Variants in LINS1 observed in about 807,000 individuals in gnomAD.
LINS1 encodes the protein protein Lines homolog 1.
LINS1 carries 27 observed loss-of-function variants against 41.6 expected under a neutral mutation model. The ratio of observed to expected loss-of-function variants is 0.65; its 90% CI spans 0.48 to 0.89. LINS1 has a LOEUF of 0.89. Among genes scored for constraint, LINS1 ranks in the 40% least tolerant of loss-of-function variants. LINS1 has a pLI of 0.00. For synonymous variants in LINS1, 336 were observed against 312.9 expected (o/e 1.07, Z -0.78); for missense variants, 955 against 884.1 (o/e 1.08, Z -1.02).
At chr15:100,585,920 TG>T (rs1482958234) in intron 1 of LINS1, among the ~76,000 whole-genome samples, 2 of 152,246 alleles carry the variant, frequency 1.3e-5, no homozygotes, top group African/African-American at 4.8e-5. Context: ...CTAGATATTT[TG>T]GGATGTCAGT....
At chr15:100,579,872 G>A (rs2038428379) in intron 3 of LINS1, among the ~76,000 whole-genome samples, 1 of 152,154 alleles carries the variant, frequency 6.6e-6, no homozygotes, top group Non-Finnish European at 1.5e-5. Flanking sequence ...AGTCTGATGT[G>A]AAATTCACCT....
chr15:100,573,846 G>C lies in LINS1; in HGVS notation c.1027C>G (p.Gln343Glu), dbSNP rs775987021. Reference protein sequence around the residue: ...DMLALANAVLQAVNSGLLKTL... With the variant: ...DMLALANAVLEAVNSGLLKTL... ...TTCAACAACCCCGAATTCACAGCTT[G>C]CAAAACAGCATTAGCTAAAGCCAGC... Residue 343 changes from glutamine (Q) to glutamate (E), a missense_variant, in exon 5 of 7, where the codon CAA becomes GAA. Physicochemically the swap from Gln to Glu is conservative, Grantham distance 29 (BLOSUM62 2). Transcript: ENST00000314742. 3 of 1,614,220 alleles carry C rather than the reference G, an allele frequency of 1.9e-6. No homozygotes were observed. The East Asian group carries it at 6.7e-5, about 36-fold the overall frequency.
chr15:100,574,283 C>G, intron 4 of LINS1, 42 bp from the exon 5 acceptor site: 1 of 1,191,648 alleles, frequency 8.4e-7, no homozygotes, highest in Non-Finnish European at 1.2e-6. Context: ...GAAAAACAGT[C>G]TTCTTCAAAC....
chr15:100,580,542 T>C lies in LINS1; in HGVS notation c.301A>G (p.Thr101Ala), dbSNP rs763605136. The change falls in exon 2 of 7, where the codon ACC becomes GCC. Residue 101 changes from threonine (T) to alanine (A), a missense_variant. Physicochemically the swap from Thr to Ala is moderately conservative, Grantham distance 58 (BLOSUM62 0). Coordinates refer to ENST00000314742, the MANE Select transcript of LINS1 (RefSeq NM_001040616.3). ...LQLTVIKVMT[T>A]RILSVKTEFH... Reference sequence around the variant, plus strand: ...TCGGTTTTGACAGACAATATCCGGGTTGTCATCACTTTGATCACTGTTAAC... The same window carrying C: ...TCGGTTTTGACAGACAATATCCGGGCTGTCATCACTTTGATCACTGTTAAC... 3 of 1,613,994 alleles carry C rather than the reference T, an allele frequency of 1.9e-6. No individual in the cohort carries two copies. The highest frequency in any genetic ancestry group is 2.5e-6 in the Non-Finnish European group (3 of 1,179,932).
At chr15:100,598,559 AATACC>A (rs2039343429) in intron 1 of LINS1, among the ~76,000 whole-genome samples, 1 of 152,228 alleles carries the variant, frequency 6.6e-6, no homozygotes, top group Non-Finnish European at 1.5e-5. Flanking sequence ...GCTGTGGTAG[AATACC>A]ATAGAAGACC....
In LINS1 at chr15:100,575,059, C is replaced by T. The variant is rs184290504; in HGVS notation, c.559G>A (p.Ala187Thr). The T allele has an allele frequency of 1.5e-5, 24 of 1,612,478 alleles. No individual in the cohort carries two copies. In the Admixed American group the frequency reaches 3.2e-4, roughly 21 times the overall value. Residue 187 changes from alanine to threonine, a missense_variant, in exon 4 of 7, where the codon GCA becomes ACA. Ala to Thr is a moderately conservative substitution (Grantham distance 58). Transcript: ENST00000314742. ...NLSEYSESNKAIYCLWTLTAI... is the reference protein window; with the variant it reads ...NLSEYSESNKTIYCLWTLTAI... ...GTAAGAGTCCAGAGGCAGTATATTG[C>T]TTTATTACTCTCAGAGTATTCAGAA...
intron 1 of LINS1, chr15:100,596,804 T>G (rs2039266237): frequency 6.6e-6 from 1 of 152,206 alleles, no homozygotes; most frequent in South Asian, 2.1e-4. Flanking sequence ...TGCAATTGGT[T>G]AAATCCAAGA....
At chr15:100,575,741 A>T (rs1022635052) in intron 3 of LINS1, among the ~76,000 whole-genome samples, 15 of 152,294 alleles carry the variant, frequency 9.8e-5, no homozygotes, top group South Asian at 2.1e-4. Context: ...GCACCACACC[A>T]CACCTATTCC....
At chr15:100,572,908 A>AATACAAATGGGGTGGG in intron 5 of LINS1, 1 of 688,674 alleles carries the variant, frequency 1.5e-6, no homozygotes, top group Non-Finnish European at 1.8e-6. Flanking sequence ...ATGAAGGATT[A>AATACAAATGGGGTGGG]ATACAAATGG....
chr15:100,573,497 T>C, intron 5 of LINS1, 154 bp downstream of exon 5: 2 of 620,492 alleles, frequency 3.2e-6, no homozygotes, highest in Non-Finnish European at 4.9e-6. Flanking sequence ...ATCCAGTTCT[T>C]TTTTTTTTTT....
intron 3 of LINS1, among the ~76,000 whole-genome samples, chr15:100,576,141 A>G (rs938854025): frequency 1.2e-4 from 18 of 152,198 alleles, no homozygotes; most frequent in Non-Finnish European, 2.5e-4. Flanking sequence ...AAACACATTC[A>G]AAAGCTAGCA....
At chr15:100,589,613 C>T (rs1322480432) in intron 1 of LINS1, among the ~76,000 whole-genome samples, 1 of 152,252 alleles carries the variant, frequency 6.6e-6, no homozygotes, top group East Asian at 1.9e-4. Flanking sequence ...CATGACTCAT[C>T]ATAGAAAAGA....
At chr15:100,570,227 C>A in intron 6 of LINS1, 110 bp from the exon 7 acceptor site, 1 of 855,790 alleles carries the variant, frequency 1.2e-6, no homozygotes, top group South Asian at 1.9e-5. Context: ...ACTTTTAAAT[C>A]TATGCATCAC....
chr15:100,585,999 G>GT (rs2038786431), intron 1 of LINS1, among the ~76,000 whole-genome samples: 1 of 152,136 alleles, frequency 6.6e-6, no homozygotes, highest in East Asian at 1.9e-4. Flanking sequence ...TGCATGCCTT[G>GT]TTTTTTTGAC....
At position 100,574,745 on chromosome 15, in the gene LINS1, T is replaced by C. The variant is rs551913132; in HGVS notation, c.631+242A>G. The stretch of plus-strand genomic sequence containing the variant: ...AAAACAAAACAAAAAATATTCATTT[T>C]ACGAATATCAGTAACATCAAACAAT... On this transcript the variant is annotated intron_variant, in intron 4 of 6. Transcript: ENST00000314742. Among the ~76,000 whole-genome samples the C allele has an allele frequency of 2.6e-5, 4 of 152,342 alleles. No individual in the cohort carries two copies. In the East Asian group the frequency reaches 7.7e-4, roughly 29 times the overall value.
intron 5 of LINS1, chr15:100,573,377 C>T (rs1020143857): frequency 1.6e-6 from 2 of 1,235,606 alleles, no homozygotes; most frequent in African/African-American, 1.6e-5. Context: ...AATTGATTTC[C>T]ATCACTTACT....
Position 100,573,861 on chromosome 15 carries a change from C to A in LINS1, c.1012G>T (p.Ala338Ser), listed in dbSNP as rs1296877254. The A allele has an allele frequency of 5.0e-6, 8 of 1,614,088 alleles. No homozygotes were observed. In the African/African-American group the frequency reaches 1.1e-4, roughly 22 times the overall value. ...TTCACAGCTTGCAAAACAGCATTAG[C>A]TAAAGCCAGCATGTCCACCGCTACA... ...HHVAVDMLAL[A>S]NAVLQAVNSG... Residue 338 changes from alanine to serine, a missense_variant, in exon 5 of 7, where the codon GCT becomes TCT. Transcript: ENST00000314742.
chr15:100,569,625 G>A lies in LINS1; in HGVS notation c.1887C>T (p.Tyr629=), dbSNP rs61999313. Residue 629 remains tyrosine, a synonymous_variant, in exon 7 of 7, where the codon TAC becomes TAT. Coordinates refer to ENST00000314742, the MANE Select transcript of LINS1 (RefSeq NM_001040616.3). Reference sequence around the variant, plus strand: ...CCACGTCAGAATCGTCAGAGCTGTCGTAATCTACCAGACTTTGAGAGGCCC... The same window carrying A: ...CCACGTCAGAATCGTCAGAGCTGTCATAATCTACCAGACTTTGAGAGGCCC... The part of the protein sequence containing the change: ...SPRASQSLVD[Y]DSSDDSDVES... The A allele has an allele frequency of 5.3e-4, 859 of 1,613,218 alleles. 4 individuals carry two copies. The African/African-American group carries it at 9.3e-3, about 17-fold the overall frequency.
In LINS1 at chr15:100,575,094, T is replaced by C; in HGVS notation, c.524A>G (p.Gln175Arg). 1 of 1,612,782 alleles carries C rather than the reference T, an allele frequency of 6.2e-7. No individual in the cohort carries two copies. Among genetic ancestry groups the C allele is most frequent in the Non-Finnish European group, 8.5e-7 (1 of 1,179,614 alleles). The change falls in exon 4 of 7, where the codon CAG (glutamine) becomes CGG (arginine). Residue 175 changes from glutamine (Q) to arginine (R), a missense_variant. Gln to Arg is a conservative substitution (Grantham distance 43). Coordinates refer to ENST00000314742, the MANE Select transcript of LINS1 (RefSeq NM_001040616.3). ...CTCAGAGTATTCAGAAAGATTTTTC[T>C]GGCAAAAAGCAATCCAGGAATTACT... Reference protein sequence around the residue: ...TLSNSWIAFCQKNLSEYSESN... With the variant: ...TLSNSWIAFCRKNLSEYSESN...
Sources: gnomAD v4.1 joint callset for allele counts (sites outside exome capture counted in the v4.1 genomes callset) on GRCh38, gnomAD v4.1.1 for gene constraint, MANE v1.5 for transcripts, NCBI Gene and HGNC (gene_info 2026-07-23, HGNC 2026-07-21) for gene names.